ARHGAP18: variants seen among roughly 807,000 people sequenced by gnomAD.
ARHGAP18 encodes the protein Rho GTPase activating protein 18.
Under a neutral mutation model 86.2 loss-of-function variants are expected in ARHGAP18, and 67 were observed. That is an observed-to-expected ratio of 0.78 (90% confidence interval 0.64 to 0.95). The LOEUF (loss-of-function observed/expected upper bound fraction) is 0.95, where lower values mean the gene tolerates loss of function less well. Ranked by LOEUF, ARHGAP18 falls within the 40% of genes least tolerant of loss-of-function variation. The pLI is 0.00. For synonymous variants in ARHGAP18, 283 were observed against 280.4 expected (o/e 1.01, Z -0.09); for missense variants, 691 against 780.4 (o/e 0.89, Z 1.37).
intron 1 of ARHGAP18, among the ~76,000 whole-genome samples, chr6:129,659,762 A>G (rs114845307): frequency 3.9e-5 from 6 of 152,334 alleles, no homozygotes; most frequent in African/African-American, 1.4e-4. Flanking sequence ...CCTAGAATTT[A>G]GAAGGCAACA....
intron 12 of ARHGAP18, among the ~76,000 whole-genome samples, chr6:129,586,994 C>T (rs1387920264): frequency 6.6e-6 from 1 of 152,186 alleles, no homozygotes; most frequent in Admixed American, 6.5e-5. Context: ...AAGGGTCCTA[C>T]TATATGACCT....
intron 1 of ARHGAP18, among the ~76,000 whole-genome samples, chr6:129,697,111 G>A (rs557598290): frequency 4.6e-5 from 7 of 152,306 alleles, no homozygotes; most frequent in African/African-American, 1.7e-4. Flanking sequence ...AAGAATGTCA[G>A]AAGTCTGATT....
At chr6:129,670,695 T>A (rs1774127267) in intron 1 of ARHGAP18, among the ~76,000 whole-genome samples, 1 of 151,858 alleles carries the variant, frequency 6.6e-6, no homozygotes, top group Non-Finnish European at 1.5e-5. Context: ...ACTCTTTTTT[T>A]TTTTTTTTTT....
At chr6:129,669,556 C>T (rs955844652) in intron 1 of ARHGAP18, among the ~76,000 whole-genome samples, 6 of 151,444 alleles carry the variant, frequency 4.0e-5, no homozygotes, top group African/African-American at 1.2e-4. Context: ...GAGGACAAGG[C>T]GGGCTGATCA....
At chr6:129,695,105 G>A (rs1388425849) in intron 1 of ARHGAP18, among the ~76,000 whole-genome samples, 1 of 151,692 alleles carries the variant, frequency 6.6e-6, no homozygotes, top group African/African-American at 2.4e-5. Flanking sequence ...GTGCTCCCTG[G>A]AACAATGGTA....
intron 7 of ARHGAP18, among the ~76,000 whole-genome samples, chr6:129,612,185 GT>G (rs1258931512): frequency 1.3e-5 from 2 of 151,932 alleles, no homozygotes; most frequent in Non-Finnish European, 2.9e-5. Flanking sequence ...GCATTTTTTT[GT>G]TTTTGTTTTT....
chr6:129,681,621 A>G (rs1373791068), intron 1 of ARHGAP18, among the ~76,000 whole-genome samples: 1 of 152,198 alleles, frequency 6.6e-6, no homozygotes, highest in Admixed American at 6.5e-5. Flanking sequence ...TATTTGAGCT[A>G]TTAACTTTTT....
chr6:129,580,245 C>T (rs1788259683), intron 13 of ARHGAP18, 114 bp from the exon 14 acceptor site: 3 of 816,702 alleles, frequency 3.7e-6, no homozygotes, highest in African/African-American at 1.7e-5. Context: ...CTTAGACACA[C>T]TGTAATTATC....
intron 1 of ARHGAP18, among the ~76,000 whole-genome samples, chr6:129,648,944 C>T (rs1462917131): frequency 2.6e-5 from 4 of 152,160 alleles, no homozygotes; most frequent in Admixed American, 1.3e-4. Context: ...GAAGAGAATG[C>T]CTACTGTTGT....
intron 1 of ARHGAP18, among the ~76,000 whole-genome samples, chr6:129,650,927 C>T (rs1050251178): frequency 2.0e-5 from 3 of 152,162 alleles, no homozygotes; most frequent in Non-Finnish European, 2.9e-5. Flanking sequence ...GCAGCCTCCC[C>T]GCATTCCTTA....
chr6:129,587,099 G>A (rs1290329445), intron 12 of ARHGAP18, among the ~76,000 whole-genome samples: 1 of 151,972 alleles, frequency 6.6e-6, no homozygotes, highest in Non-Finnish European at 1.5e-5. Context: ...CTTATTTTTT[G>A]TTCATTTTTA....
chr6:129,617,446 T>A (rs1361884693), intron 6 of ARHGAP18, among the ~76,000 whole-genome samples: 3 of 152,172 alleles, frequency 2.0e-5, no homozygotes, highest in African/African-American at 4.8e-5. Context: ...AGTAAATAAC[T>A]TTTCAGTTTG....
intron 12 of ARHGAP18, among the ~76,000 whole-genome samples, chr6:129,591,032 C>T (rs1002338025): frequency 1.8e-4 from 27 of 152,086 alleles, no homozygotes; most frequent in African/African-American, 6.3e-4. Flanking sequence ...GATATCTTGA[C>T]AAGGAAGGCC....
chr6:129,678,573 G>A (rs915613617), intron 1 of ARHGAP18, among the ~76,000 whole-genome samples: 7 of 152,090 alleles, frequency 4.6e-5, no homozygotes, highest in Non-Finnish European at 7.4e-5. Context: ...ATTATCTTTG[G>A]TGTGATAATG....
At chr6:129,614,230 C>G (rs148970062) in intron 7 of ARHGAP18, among the ~76,000 whole-genome samples, 2 of 152,254 alleles carry the variant, frequency 1.3e-5, no homozygotes, top group South Asian at 4.1e-4. Flanking sequence ...GGTAATGAAT[C>G]TTCTTGCAAA....
intron 4 of ARHGAP18, among the ~76,000 whole-genome samples, chr6:129,630,724 G>A (rs964467562): frequency 3.3e-5 from 5 of 152,116 alleles, no homozygotes; most frequent in Admixed American, 1.3e-4. Flanking sequence ...TCCCAGGCAT[G>A]AGACCTGTGC....
intron 5 of ARHGAP18, among the ~76,000 whole-genome samples, chr6:129,628,020 T>C (rs1396369216): frequency 2.6e-5 from 4 of 152,136 alleles, no homozygotes; most frequent in African/African-American, 7.2e-5. Context: ...GGATTGGCCA[T>C]GGGCTAATGA....
At chr6:129,625,685 TTATA>T (rs1789415444) in intron 5 of ARHGAP18, among the ~76,000 whole-genome samples, 1 of 65,902 alleles carries the variant, frequency 1.5e-5, no homozygotes, top group African/African-American at 5.8e-5. Context: ...TTATATATAT[TTATA>T]TATTATATAT....
chr6:129,594,236 T>C (rs957544221), intron 12 of ARHGAP18, among the ~76,000 whole-genome samples: 9 of 152,210 alleles, frequency 5.9e-5, no homozygotes, highest in Non-Finnish European at 1.3e-4. Flanking sequence ...AAGTAATAAT[T>C]AACCTTCAAA....
Sources: allele counts gnomAD v4.1 joint callset (sites outside exome capture counted in the v4.1 genomes callset), GRCh38; gene constraint gnomAD v4.1.1; transcripts MANE v1.5; gene names NCBI Gene and HGNC (gene_info 2026-07-23, HGNC 2026-07-21).